Variants in EYS observed in about 807,000 individuals in gnomAD.
EYS encodes EGF-like photoreceptor maintenance factor, also known as protein eyes shut homolog.
Under a neutral mutation model 282.1 loss-of-function variants are expected in EYS, and 250 were observed. That is an observed-to-expected ratio of 0.89 (90% CI 0.80 to 0.98). The LOEUF is 0.98. Among genes scored for constraint, EYS ranks in the 50% least tolerant of loss-of-function variants. The pLI is 0.00. For synonymous variants in EYS, 1,355 were observed against 1,282.9 expected (o/e 1.06, Z -1.20); for missense variants, 4,016 against 3,709.0 (o/e 1.08, Z -2.15).
intron 30 of EYS, among the ~76,000 whole-genome samples, chr6:64,275,894 G>A (rs925568843): frequency 6.6e-6 from 1 of 151,742 alleles, no homozygotes; most frequent in African/African-American, 2.4e-5. Context: ...GACTCCAGGG[G>A]GCAGAGGTAG....
chr6:64,105,072 G>A (rs570303776), intron 31 of EYS, among the ~76,000 whole-genome samples: 1 of 151,826 alleles, frequency 6.6e-6, no homozygotes, highest in Non-Finnish European at 1.5e-5. Context: ...ATGAAAGAGA[G>A]CAGAAGAGGA....
At chr6:64,672,837 G>A (rs1324276396) in intron 22 of EYS, among the ~76,000 whole-genome samples, 1 of 152,118 alleles carries the variant, frequency 6.6e-6, no homozygotes, top group Admixed American at 6.5e-5. Context: ...CTAAAAAGTA[G>A]ATAAGTGACT....
intron 2 of EYS, among the ~76,000 whole-genome samples, chr6:65,604,257 T>C (rs16896908): frequency 0.16 from 24,385 of 151,830 alleles, 2,081 homozygotes; most frequent in African/African-American, 0.21. Flanking sequence ...CTCTCAACTT[T>C]GCTATAAAAC....
At chr6:64,931,789 C>T (rs977044017) in intron 15 of EYS, among the ~76,000 whole-genome samples, 1 of 152,068 alleles carries the variant, frequency 6.6e-6, no homozygotes, top group African/African-American at 2.4e-5. Flanking sequence ...AAACTGGAAG[C>T]TTGCAAATGT....
chr6:65,573,790 G>A (rs755910904), intron 2 of EYS, among the ~76,000 whole-genome samples: 1 of 131,082 alleles, frequency 7.6e-6, no homozygotes, highest in South Asian at 2.6e-4. Flanking sequence ...TTCTGAAGCT[G>A]CTCTAAACCT....
Position 65,078,505 on chromosome 6 carries a change from C to A in EYS, c.2024-20778G>T, listed in dbSNP as rs1336373299. 2.6e-5 allele frequency among the ~76,000 whole-genome samples: 4 copies of A among 151,780 alleles called. No individual in the cohort carries two copies. In the East Asian group the frequency reaches 7.8e-4, roughly 29 times the overall value. On this transcript the variant is annotated intron_variant, in intron 12 of 42. Coordinates refer to ENST00000503581, the MANE Select transcript of EYS (RefSeq NM_001142800.2). ...AAAGTAAAGGTCAAAGGAGTGTGAC[C>A]AGTATCTGATATTTAAATTAACCTA...
chr6:64,568,703 G>T (rs1474065912), intron 26 of EYS, among the ~76,000 whole-genome samples: 5 of 152,240 alleles, frequency 3.3e-5, no homozygotes, highest in Non-Finnish European at 4.4e-5. Context: ...CTCCCAGCAG[G>T]GGTCGACAGA....
chr6:64,002,261 C>A (rs1768131880), intron 33 of EYS, among the ~76,000 whole-genome samples: 1 of 152,168 alleles, frequency 6.6e-6, no homozygotes, highest in Non-Finnish European at 1.5e-5. Context: ...TCTTTCAGCT[C>A]CCATCCGTCT....
chr6:64,012,324 A>G (rs973915557), intron 33 of EYS, among the ~76,000 whole-genome samples: 1 of 152,168 alleles, frequency 6.6e-6, no homozygotes, highest in Non-Finnish European at 1.5e-5. Flanking sequence ...GTTGTTAGCA[A>G]CTATGATCTC....
intron 31 of EYS, among the ~76,000 whole-genome samples, chr6:64,143,466 T>G (rs996679451): frequency 6.6e-6 from 1 of 152,128 alleles, no homozygotes; most frequent in Admixed American, 6.6e-5. Context: ...ACTCTTTATA[T>G]TTTGCATTCA....
intron 26 of EYS, among the ~76,000 whole-genome samples, chr6:64,531,596 T>TTATTTTATTTTATTG (rs1053449220): frequency 9.4e-5 from 14 of 149,636 alleles, no homozygotes; most frequent in South Asian, 2.1e-4. Context: ...TTATTTTATT[T>TTATTTTATTTTATTG]TATTTTTTGT....
Position 64,295,511 on chromosome 6 carries a change from AAAGAAG to A in EYS, c.6191+11453_6191+11458del, listed in dbSNP as rs1302082113. Among the ~76,000 whole-genome samples the A allele has an allele frequency of 6.9e-4, 20 of 28,798 alleles. 5 individuals carry two copies. Among genetic ancestry groups the A allele is most frequent in the African/African-American group, 5.2e-3 (18 of 3,458 alleles). The allele number at this position is 28,798 out of a possible 152,430, so 18.9% of individuals were successfully genotyped here. ...AGAAGAAGAAGAAAGAAGAAAGAAG[AAAGAAG>A]AAAGAAGAAAGAAGAAGAAAGAAGA... On this transcript the variant is annotated intron_variant, in intron 30 of 42. Coordinates refer to ENST00000503581, the MANE Select transcript of EYS (RefSeq NM_001142800.2).
intron 33 of EYS, among the ~76,000 whole-genome samples, chr6:64,037,929 T>C (rs1465897137): frequency 6.6e-6 from 1 of 152,232 alleles, no homozygotes; most frequent in African/African-American, 2.4e-5. Flanking sequence ...ATATAGATAC[T>C]TAAATTGTAA....
intron 2 of EYS, among the ~76,000 whole-genome samples, chr6:65,514,213 C>T (rs1308512992): frequency 1.3e-5 from 2 of 151,874 alleles, no homozygotes; most frequent in African/African-American, 2.4e-5. Context: ...AATAAAATAC[C>T]TAGGAATCCA....
intron 35 of EYS, among the ~76,000 whole-genome samples, chr6:63,983,949 C>T (rs1767227290): frequency 6.6e-6 from 1 of 151,400 alleles, no homozygotes. Context: ...TTGTTTTTAC[C>T]TCTAACCTTA....
rs531387518 is a variant in EYS at position 65,030,929 on chromosome 6, T to C, written c.2137+26685A>G. ...CCCATATTCCATGCAATGACACCCA[T>C]AGCCTCAAACTAAAGAGATGGAGAA... On this transcript the variant is annotated intron_variant, in intron 13 of 42. Coordinates refer to ENST00000503581, the MANE Select transcript of EYS (RefSeq NM_001142800.2). 2.2e-3 allele frequency among the ~76,000 whole-genome samples: 337 copies of C among 152,036 alleles called. 1 individual carries two copies. Among genetic ancestry groups the C allele is most frequent in the Non-Finnish European group, 3.7e-3 (253 of 67,986 alleles).
At position 63,762,580 on chromosome 6, in the gene EYS, GT is replaced by G. The variant is rs1391034926; in HGVS notation, c.7951del (p.Thr2651ProfsTer31). On this transcript the variant is annotated frameshift_variant, in exon 41 of 43. Transcript: ENST00000503581. LOFTEE classifies it high-confidence loss of function. The part of the protein sequence containing the change: ...KGSFCTETVS[T>X]CDPEHDPPHH... ...TGGAGGGTCATGTTCAGGATCACAGGTAGAAACTGTCTCTGTGCAGAATGAT... is the reference window on the plus strand; with the variant it reads ...TGGAGGGTCATGTTCAGGATCACAGGAGAAACTGTCTCTGTGCAGAATGAT... 6.4e-7 allele frequency: 1 copy of G among 1,550,416 alleles called. No homozygotes were observed. The highest frequency in any genetic ancestry group is 2.0e-5 in the Admixed American group (1 of 50,934).
intron 22 of EYS, among the ~76,000 whole-genome samples, chr6:64,762,141 G>A (rs1773179598): frequency 3.3e-5 from 5 of 152,022 alleles, no homozygotes. Context: ...ATTTATACAT[G>A]TAACTAAACA....
chr6:64,709,566 G>A (rs924198419), intron 22 of EYS, among the ~76,000 whole-genome samples: 1 of 152,090 alleles, frequency 6.6e-6, no homozygotes, highest in African/African-American at 2.4e-5. Context: ...TGTTAGGAAA[G>A]TCAGAATATT....
Sources: gnomAD v4.1 joint callset for allele counts (sites outside exome capture counted in the v4.1 genomes callset) on GRCh38, gnomAD v4.1.1 for gene constraint, MANE v1.5 for transcripts, NCBI Gene and HGNC (gene_info 2026-07-23, HGNC 2026-07-21) for gene names.